SAA2: variants seen among roughly 807,000 people sequenced by gnomAD.
SAA2 encodes the protein serum amyloid A-2 protein.
A neutral mutation model predicts 9.1 loss-of-function variants in SAA2; 5 were observed. The ratio of observed to expected loss-of-function variants is 0.55; its 90% CI spans 0.29 to 1.16. SAA2 has a LOEUF of 1.16. Among genes scored for constraint, SAA2 ranks in the 50% most tolerant of loss-of-function variants. The pLI is 0.09. For missense variants in SAA2, 94 were observed against 153.8 expected, an observed-to-expected ratio of 0.61 and a Z score of 2.06; for synonymous variants, 49 against 59.8, an observed-to-expected ratio of 0.82 and a Z score of 0.83.
At chr11:18,245,616 C>A in intron 3 of SAA2, 101 bp from the exon 4 acceptor site, 1 of 1,497,220 alleles carries the variant, frequency 6.7e-7, no homozygotes, top group Non-Finnish European at 9.1e-7. Flanking sequence ...AGAGAGGAGC[C>A]CAGAAAGGCC....
At chr11:18,241,046 G>A (rs1189352241), downstream of SAA2, among the ~76,000 whole-genome samples, 3 of 151,912 alleles carry the variant, frequency 2.0e-5, no homozygotes, top group African/African-American at 7.3e-5. Flanking sequence ...TTAAAAAGCG[G>A]GCAAAGGACA....
chr11:18,243,992 T>C (rs1857423955), downstream of SAA2, among the ~76,000 whole-genome samples: 1 of 152,206 alleles, frequency 6.6e-6, no homozygotes, highest in Admixed American at 6.5e-5. Flanking sequence ...TTTCCTGTTC[T>C]TTTGTGCTTT....
chr11:18,247,979 G>A lies in SAA2; in HGVS notation c.33C>T (p.Ser11=). The part of the protein sequence containing the change: MKLLTGLVFC[S]LVLSVSSRSF... ...TTCGGCTGCTGACACTCAGGACCAA[G>A]GAGCAGAAAACCAGGCCCGTGAGAA... Residue 11 remains serine, a synonymous_variant, in exon 2 of 4, where the codon TCC becomes TCT. Coordinates refer to ENST00000256733, the MANE Select transcript of SAA2 (RefSeq NM_030754.5). The A allele has an allele frequency of 6.2e-7, 1 of 1,613,576 alleles. No individual in the cohort carries two copies. Among genetic ancestry groups the A allele is most frequent in the Non-Finnish European group, 8.5e-7 (1 of 1,179,808 alleles).
At chr11:18,240,176 A>G in intron 3 of SAA2, 4 of 726,810 alleles carry the variant, frequency 5.5e-6, no homozygotes, top group Middle Eastern at 2.6e-4. Context: ...GGACCTGGGG[A>G]ATAGAAATTA....
intron 2 of SAA2, among the ~76,000 whole-genome samples, chr11:18,246,617 C>T (rs1160778045): frequency 5.9e-5 from 9 of 152,126 alleles, no homozygotes; most frequent in South Asian, 2.1e-4. Context: ...CTACAACTTC[C>T]GCTTCCCGGG....
At chr11:18,241,916 G>A (rs1032062205), downstream of SAA2, among the ~76,000 whole-genome samples, 2 of 151,998 alleles carry the variant, frequency 1.3e-5, no homozygotes, top group Non-Finnish European at 2.9e-5. Context: ...ATAAATGAAT[G>A]AATATTTTAA....
chr11:18,238,375 T>C (rs992397673), downstream of SAA2, among the ~76,000 whole-genome samples: 1 of 152,216 alleles, frequency 6.6e-6, no homozygotes, highest in African/African-American at 2.4e-5. Context: ...TGGCTTATGT[T>C]CTGCCAAAGA....
At chr11:18,241,211 A>G (rs1857336319), downstream of SAA2, among the ~76,000 whole-genome samples, 1 of 152,188 alleles carries the variant, frequency 6.6e-6, no homozygotes, top group Non-Finnish European at 1.5e-5. Context: ...CAGAATGGCT[A>G]TTACTAAAAT....
downstream of SAA2, among the ~76,000 whole-genome samples, chr11:18,244,525 C>G (rs1399417234): frequency 2.0e-5 from 3 of 152,212 alleles, no homozygotes; most frequent in African/African-American, 7.2e-5. Context: ...ATTCTGTACT[C>G]TTAGAAGTTA....
At chr11:18,244,904 A>G (rs1168020549), downstream of SAA2, among the ~76,000 whole-genome samples, 1 of 152,198 alleles carries the variant, frequency 6.6e-6, no homozygotes, top group African/African-American at 2.4e-5. Context: ...TCACAATTCA[A>G]TTGTCTGTAG....
intron 3 of SAA2, chr11:18,240,164 G>GT (rs1857304183): frequency 1.3e-6 from 1 of 742,352 alleles, no homozygotes; most frequent in Non-Finnish European, 2.3e-6. Context: ...GGAAGAATGA[G>GT]TGGACCTGGG....
rs1008379675 is a variant in SAA2 at position 18,248,646 on chromosome 11, G to A, written c.-48C>T. The stretch of plus-strand genomic sequence containing the variant: ...GAGCTGCGGGTCCCTGTCTGCCAGG[G>A]AGAGGTGGCTGCTATTTATAGTGAG... On this transcript the variant is annotated 5_prime_UTR_variant, in exon 1 of 4. Coordinates refer to ENST00000256733, the MANE Select transcript of SAA2 (RefSeq NM_030754.5). The A allele has an allele frequency of 1.3e-5, 2 of 153,268 alleles. No homozygotes were observed. Among genetic ancestry groups the A allele is most frequent in the Non-Finnish European group, 2.9e-5 (2 of 68,878 alleles). 9.5% of individuals were successfully genotyped at this position (153,268 alleles called of 1,614,324 possible).
intron 3 of SAA2, 32 bp from the exon 4 acceptor site, chr11:18,245,547 T>A: frequency 1.2e-6 from 2 of 1,612,528 alleles, no homozygotes; most frequent in East Asian, 4.5e-5. Context: ...AGGAGATTAA[T>A]CATCAGGCCA....
chr11:18,245,549 A>G, intron 3 of SAA2, 34 bp from the exon 4 acceptor site: 1 of 1,612,440 alleles, frequency 6.2e-7, no homozygotes, highest in Non-Finnish European at 8.5e-7. Context: ...GAGATTAATC[A>G]TCAGGCCAGT....
At chr11:18,243,137 A>AT (rs556702608), downstream of SAA2, among the ~76,000 whole-genome samples, 9 of 151,872 alleles carry the variant, frequency 5.9e-5, no homozygotes, top group South Asian at 1.9e-3. Flanking sequence ...ATTGAATTAA[A>AT]TTTTTTTTCA....
downstream of SAA2, among the ~76,000 whole-genome samples, chr11:18,238,889 T>C (rs1389269884): frequency 6.6e-6 from 1 of 151,990 alleles, no homozygotes; most frequent in Non-Finnish European, 1.5e-5. Context: ...TTTTGATTTT[T>C]AGATCCCACA....
chr11:18,239,632 T>G (rs1857286211), exon 4 of SAA2: 3 of 418,522 alleles, frequency 7.2e-6, no homozygotes, highest in Non-Finnish European at 1.3e-5. Flanking sequence ...ATACTACTAA[T>G]CAATATCTCC....
At chr11:18,241,407 C>A (rs1741698699), downstream of SAA2, among the ~76,000 whole-genome samples, 2 of 152,178 alleles carry the variant, frequency 1.3e-5, no homozygotes, top group East Asian at 1.9e-4. Context: ...GAAAATAGAT[C>A]ATTATATAAA....
chr11:18,244,830 T>C (rs551733425), downstream of SAA2, among the ~76,000 whole-genome samples: 1 of 152,346 alleles, frequency 6.6e-6, no homozygotes, highest in South Asian at 2.1e-4. Flanking sequence ...CATTAATGCC[T>C]GGATTTGTAG....
Sources: gnomAD v4.1 joint callset for allele counts (sites outside exome capture counted in the v4.1 genomes callset) on GRCh38, gnomAD v4.1.1 for gene constraint, MANE v1.5 for transcripts, NCBI Gene and HGNC (gene_info 2026-07-23, HGNC 2026-07-21) for gene names.